The following EXOSC2 variants were observed in gnomAD, a reference collection of about 807,000 sequenced individuals.
EXOSC2 encodes exosome complex component RRP4.
In EXOSC2, 29 loss-of-function variants were observed where a neutral mutation model predicts 37.6. The ratio of observed to expected loss-of-function variants is 0.77; its 90% CI spans 0.57 to 1.05. EXOSC2 has a LOEUF of 1.05. Ranked by LOEUF, EXOSC2 falls within the 50% of genes least tolerant of loss-of-function variation. The pLI, the probability that EXOSC2 is intolerant of heterozygous loss-of-function variation, is 0.00. For synonymous variants in EXOSC2, 119 were observed against 131.1 expected, an observed-to-expected ratio of 0.91 and a Z score of 0.63; for missense variants, 346 against 365.6, an observed-to-expected ratio of 0.95 and a Z score of 0.44.
At chr9:130,700,087 G>A (rs1444356159) in intron 5 of EXOSC2, among the ~76,000 whole-genome samples, 1 of 151,840 alleles carries the variant, frequency 6.6e-6, no homozygotes, top group South Asian at 2.1e-4. Context: ...GTGCAGTGGC[G>A]CGATCTCGGC....
Position 130,702,058 on chromosome 9 carries a change from A to T in EXOSC2, c.496-76A>T, listed in dbSNP as rs1057063605. 2.6e-6 allele frequency: 4 copies of T among 1,532,908 alleles called. No individual in the cohort carries two copies. The Admixed American group carries it at 6.4e-5, about 24-fold the overall frequency. The allele number at this position is 1,532,908 out of a possible 1,614,324, so 95.0% of individuals were successfully genotyped here. A position where few individuals can be genotyped will look rare whatever the true frequency, so the allele number is the denominator to read the frequency against. ...GGACACCAATTTGAATATACTTAGGATGTATATTCTGTAGTCTCCTTTTCA... is the reference window on the plus strand; with the variant it reads ...GGACACCAATTTGAATATACTTAGGTTGTATATTCTGTAGTCTCCTTTTCA... On this transcript the variant is annotated intron_variant, in intron 6 of 8. Coordinates refer to ENST00000372358, the MANE Select transcript of EXOSC2 (RefSeq NM_014285.7).
At chr9:130,701,582 G>T in intron 6 of EXOSC2, 1 of 986,552 alleles carries the variant, frequency 1.0e-6, no homozygotes, top group Non-Finnish European at 1.2e-6. Flanking sequence ...TGTACATGGA[G>T]TAGGCAGAGG....
chr9:130,695,348 C>T (rs1044211628), intron 1 of EXOSC2, 144 bp from the exon 2 acceptor site: 15 of 692,330 alleles, frequency 2.2e-5, no homozygotes, highest in African/African-American at 3.5e-5. Flanking sequence ...AGAAGGAGCA[C>T]TGAAGGCAGA....
At position 130,698,147 on chromosome 9, in the gene EXOSC2, G is replaced by A; in HGVS notation, c.271-15G>A. 4.3e-6 allele frequency: 7 copies of A among 1,612,962 alleles called. No individual in the cohort carries two copies. Among genetic ancestry groups the A allele is most frequent in the Non-Finnish European group, 5.9e-6 (7 of 1,179,010 alleles). On this transcript the variant is annotated splice_polypyrimidine_tract_variant and intron_variant, in intron 3 of 8. Transcript: ENST00000372358. This position sits in a 1 kb window ranked among gnomAD's most constrained non-coding sequence, Gnocchi z 4.1. ...AACATGGAGCATGTGTCCAGGTGTG[G>A]AACTTGGCTTATAGGTTCAACAGAA...
At chr9:130,697,158 A>G (rs1388810725) in intron 2 of EXOSC2, among the ~76,000 whole-genome samples, 2 of 152,210 alleles carry the variant, frequency 1.3e-5, no homozygotes, top group African/African-American at 4.8e-5. Flanking sequence ...AGGAACTAGC[A>G]AAGGGGCTTG....
intron 8 of EXOSC2, 88 bp downstream of exon 8, chr9:130,703,269 C>CT: frequency 1.4e-6 from 2 of 1,450,062 alleles, no homozygotes; most frequent in Non-Finnish European, 1.9e-6. Flanking sequence ...CTCCCCAATA[C>CT]TTTCCCAACA....
In EXOSC2 at chr9:130,698,805, G is replaced by T. The variant is rs1047828194; in HGVS notation, c.361-524G>T. Among the ~76,000 whole-genome samples the T allele has an allele frequency of 1.3e-5, 2 of 152,180 alleles. No homozygotes were observed. Among genetic ancestry groups the T allele is most frequent in the African/African-American group, 4.8e-5 (2 of 41,436 alleles). ...AGCACGATTGAGTTCCCCAGCAGGG[G>T]ATATAAGATAACTGACCTAGTCCCT... On this transcript the variant is annotated intron_variant, in intron 4 of 8. Transcript: ENST00000372358. This position sits in a 1 kb window ranked among gnomAD's most constrained non-coding sequence, Gnocchi z 4.1.
chr9:130,703,161 G>GA lies in EXOSC2; in HGVS notation c.783dup (p.Ala262SerfsTer48). On this transcript the variant is annotated frameshift_variant, in exon 8 of 9. Transcript: ENST00000372358. LOFTEE classifies it high-confidence loss of function. ...TGATACCAGCATCCTGTACTGCTATGAAGCATCCCTTCCACATCAGGTACT... is the reference window on the plus strand; with the variant it reads ...TGATACCAGCATCCTGTACTGCTATGAAAGCATCCCTTCCACATCAGGTACT... 1 of 1,612,398 alleles carries GA rather than the reference G, an allele frequency of 6.2e-7. No individual in the cohort carries two copies. Among genetic ancestry groups the GA allele is most frequent in the Non-Finnish European group, 8.5e-7 (1 of 1,178,772 alleles).
rs1588198062 is a variant in EXOSC2 at position 130,698,256 on chromosome 9, G to A, written c.360+5G>A. 2 of 1,613,578 alleles carry A rather than the reference G, an allele frequency of 1.2e-6. No individual in the cohort carries two copies. The highest frequency in any genetic ancestry group is 4.5e-5 in the East Asian group (2 of 44,888). The stretch of plus-strand genomic sequence containing the variant: ...AACCTTCCTGGAGGAGAGCTGGTAA[G>A]GGCTACAGCTGGGGCCATGGACTAG... On this transcript the variant is annotated splice_donor_5th_base_variant and intron_variant, in intron 4 of 8. Transcript: ENST00000372358. The surrounding 1 kb of genome is among the most constrained non-coding windows in gnomAD (Gnocchi z 4.1).
intron 6 of EXOSC2, 199 bp from the exon 7 acceptor site, chr9:130,701,934 TC>T (rs1831224133): frequency 1.4e-6 from 2 of 1,394,982 alleles, no homozygotes; most frequent in South Asian, 3.4e-5. Flanking sequence ...AAGGTCACCT[TC>T]TGCTGGGATG....
At position 130,693,781 on chromosome 9, in the gene EXOSC2, T is replaced by G. The variant is rs771126752; in HGVS notation, c.-11T>G. ...GACTGAGCTGCGCCTGCGCAACTCA[T>G]TGGCGCCAAGATGGCGATGGAGATG... On this transcript the variant is annotated 5_prime_UTR_variant, in exon 1 of 9. Coordinates refer to ENST00000372358, the MANE Select transcript of EXOSC2 (RefSeq NM_014285.7). 6.3e-7 allele frequency: 1 copy of G among 1,590,686 alleles called. No individual in the cohort carries two copies. Among genetic ancestry groups the G allele is most frequent in the African/African-American group, 1.3e-5 (1 of 74,102 alleles).
Position 130,702,059 on chromosome 9 carries a change from T to G in EXOSC2, c.496-75T>G, listed in dbSNP as rs142054534. 5.0e-4 allele frequency: 768 copies of G among 1,534,608 alleles called. 2 individuals are homozygous for G. The African/African-American group carries it at 8.3e-3, about 17-fold the overall frequency. ...GACACCAATTTGAATATACTTAGGA[T>G]GTATATTCTGTAGTCTCCTTTTCAT... On this transcript the variant is annotated intron_variant, in intron 6 of 8. Coordinates refer to ENST00000372358, the MANE Select transcript of EXOSC2 (RefSeq NM_014285.7).
At chr9:130,703,490 C>A (rs1456980814) in intron 8 of EXOSC2, among the ~76,000 whole-genome samples, 1 of 152,202 alleles carries the variant, frequency 6.6e-6, no homozygotes, top group African/African-American at 2.4e-5. Context: ...AGAATAATAT[C>A]TTTGTTCTTG....
chr9:130,703,500 G>A (rs1203960867), intron 8 of EXOSC2, among the ~76,000 whole-genome samples, 194 bp from the exon 9 acceptor site: 1 of 152,188 alleles, frequency 6.6e-6, no homozygotes, highest in Non-Finnish European at 1.5e-5. Context: ...CTTTGTTCTT[G>A]TCGACTATAT....
Position 130,693,889 on chromosome 9 carries a change from T to C in EXOSC2, c.98T>C (p.Ile33Thr). ...KKHLVVPGDTITTDTGFMRGH... is the reference protein window; with the variant it reads ...KKHLVVPGDTTTTDTGFMRGH... ...CATCTAGTGGTGCCGGGGGATACAA[T>C]CACTACGGACACAGGATTCATGCGG... is the stretch of plus-strand genomic sequence containing the variant. The change falls in exon 1 of 9, where the codon ATC becomes ACC. Residue 33 changes from isoleucine to threonine, a missense_variant. Physicochemically the swap from Ile to Thr is moderately conservative, Grantham distance 89. Transcript: ENST00000372358. 6.2e-7 allele frequency: 1 copy of C among 1,611,202 alleles called. No homozygotes were observed. The highest frequency in any genetic ancestry group is 1.3e-5 in the African/African-American group (1 of 74,850).
At chr9:130,701,908 A>G (rs1352018591) in intron 6 of EXOSC2, 2 of 1,360,082 alleles carry the variant, frequency 1.5e-6, no homozygotes, top group African/African-American at 1.5e-5. Context: ...AAGGGAAATG[A>G]CAGAGAAGAG....
At chr9:130,693,973 T>G (rs1831037971) in intron 1 of EXOSC2, 60 bp downstream of exon 1, 2 of 1,542,000 alleles carry the variant, frequency 1.3e-6, no homozygotes, top group African/African-American at 2.7e-5. Context: ...TCTCTGCACG[T>G]GGTCCAGGCC....
intron 7 of EXOSC2, among the ~76,000 whole-genome samples, chr9:130,702,793 C>T (rs909161656): frequency 6.6e-6 from 1 of 152,048 alleles, no homozygotes; most frequent in African/African-American, 2.4e-5. Flanking sequence ...TGGGGTTTCA[C>T]CATGTTGGTC....
intron 5 of EXOSC2, chr9:130,699,625 G>T: frequency 1.8e-6 from 1 of 558,454 alleles, no homozygotes; most frequent in South Asian, 2.2e-5. Flanking sequence ...TGTAACTTAC[G>T]GTGGCCTGTG....
Sources: gnomAD v4.1 joint callset for allele counts (sites outside exome capture counted in the v4.1 genomes callset) on GRCh38, gnomAD v4.1.1 for gene constraint, Gnocchi (gnomAD v3.1) non-coding constraint, MANE v1.5 for transcripts, NCBI Gene and HGNC (gene_info 2026-07-23, HGNC 2026-07-21) for gene names.